PPP3R1: variants seen among roughly 807,000 people sequenced by gnomAD.
The protein encoded by PPP3R1 is calcineurin subunit B type 1.
PPP3R1 carries 5 observed loss-of-function variants against 22.6 expected under a neutral mutation model. That is an observed-to-expected ratio of 0.22 (90% CI 0.12 to 0.46). PPP3R1 has a LOEUF of 0.46. Ranked by LOEUF, PPP3R1 falls within the 20% of genes least tolerant of loss-of-function variation. The pLI is 0.99. For missense variants in PPP3R1, 61 were observed against 203.2 expected (o/e 0.30, Z 4.25); for synonymous variants, 56 against 65.2 (o/e 0.86, Z 0.68).
rs1049667063 is a variant in PPP3R1 at position 68,224,657 on chromosome 2, C to T, written c.4-7526G>A. Among the ~76,000 whole-genome samples the T allele has an allele frequency of 2.0e-4, 29 of 147,932 alleles. 1 individual carries two copies. Among genetic ancestry groups the T allele is most frequent in the Admixed American group, 1.5e-3 (23 of 14,972 alleles). ...CCAGCCTCGGCAGCAGAGCAAGACT[C>T]GTCTCAGGAAAAAAAAAAAAAAAGT... On this transcript the variant is annotated intron_variant, in intron 1 of 5. Transcript: ENST00000234310.
At chr2:68,191,136 TAC>T (rs1375405573) in intron 2 of PPP3R1, among the ~76,000 whole-genome samples, 1 of 152,162 alleles carries the variant, frequency 6.6e-6, no homozygotes, top group Non-Finnish European at 1.5e-5. Context: ...AAAATACACA[TAC>T]AGTCAGTCAT....
At chr2:68,204,071 C>T (rs2103750164) in intron 2 of PPP3R1, among the ~76,000 whole-genome samples, 1 of 152,184 alleles carries the variant, frequency 6.6e-6, no homozygotes, top group South Asian at 2.1e-4. Context: ...TCTGATTTTC[C>T]ACTCTTACTT....
chr2:68,191,870 T>C (rs1436983305), intron 2 of PPP3R1, among the ~76,000 whole-genome samples: 1 of 152,174 alleles, frequency 6.6e-6, no homozygotes, highest in African/African-American at 2.4e-5. Context: ...ATTTTCTATC[T>C]ATAAAATGAC....
chr2:68,203,981 G>C (rs1259872021), intron 2 of PPP3R1, among the ~76,000 whole-genome samples: 1 of 152,108 alleles, frequency 6.6e-6, no homozygotes, highest in African/African-American at 2.4e-5. Context: ...CCTACATTTA[G>C]TCTACAAAAC....
chr2:68,245,381 T>C (rs1670216052), intron 1 of PPP3R1, among the ~76,000 whole-genome samples: 1 of 152,132 alleles, frequency 6.6e-6, no homozygotes, highest in South Asian at 2.1e-4. Context: ...AAAAAAATTA[T>C]TCAGTTTATT....
At chr2:68,235,913 T>G (rs1670010713) in intron 1 of PPP3R1, among the ~76,000 whole-genome samples, 3 of 152,170 alleles carry the variant, frequency 2.0e-5, no homozygotes, top group Admixed American at 6.5e-5. Flanking sequence ...ATCTCGACAT[T>G]TTGATTTGCA....
At chr2:68,227,568 G>A (rs949215048) in intron 1 of PPP3R1, among the ~76,000 whole-genome samples, 2 of 148,888 alleles carry the variant, frequency 1.3e-5, no homozygotes, top group African/African-American at 5.1e-5. Flanking sequence ...CTTCTTTAAT[G>A]ATTTTAGGAG....
At chr2:68,250,288 G>A (rs562936193) in intron 1 of PPP3R1, among the ~76,000 whole-genome samples, 6 of 152,246 alleles carry the variant, frequency 3.9e-5, no homozygotes, top group Middle Eastern at 6.8e-3. Context: ...AGAAAACAGA[G>A]TTAACAGGAA....
chr2:68,217,319 C>A (rs902008949), intron 1 of PPP3R1, among the ~76,000 whole-genome samples, 188 bp from the exon 2 acceptor site: 7 of 152,014 alleles, frequency 4.6e-5, no homozygotes, highest in Non-Finnish European at 2.9e-5. Context: ...AGAAAGAGTT[C>A]TTGAATCAAA....
At chr2:68,226,879 TC>T (rs1440559809) in intron 1 of PPP3R1, among the ~76,000 whole-genome samples, 2 of 152,130 alleles carry the variant, frequency 1.3e-5, no homozygotes, top group African/African-American at 4.8e-5. Flanking sequence ...CTTTAGATTT[TC>T]TCTTTCCTTT....
intron 2 of PPP3R1, among the ~76,000 whole-genome samples, chr2:68,207,221 TAAAA>T (rs11317544): frequency 1.5e-5 from 2 of 132,670 alleles, no homozygotes; most frequent in African/African-American, 2.7e-5. Flanking sequence ...GAAAATATGA[TAAAA>T]AAAAAAAAAA....
At chr2:68,217,221 G>C in intron 1 of PPP3R1, 90 bp from the exon 2 acceptor site, 5 of 882,168 alleles carry the variant, frequency 5.7e-6, no homozygotes, top group Non-Finnish European at 8.9e-6. Flanking sequence ...AAAAAACATA[G>C]GGAAATAAGC....
chr2:68,207,094 G>C (rs1322668882), intron 2 of PPP3R1, among the ~76,000 whole-genome samples: 2 of 121,556 alleles, frequency 1.6e-5, no homozygotes, highest in African/African-American at 5.4e-5. Flanking sequence ...ATAGTAAAGA[G>C]GTTTTGGGAA....
intron 2 of PPP3R1, among the ~76,000 whole-genome samples, chr2:68,201,934 A>G (rs969339737): frequency 1.3e-5 from 2 of 152,356 alleles, no homozygotes; most frequent in Non-Finnish European, 1.5e-5. Flanking sequence ...TAAAATTACA[A>G]AAGTTGAAAC....
intron 2 of PPP3R1, among the ~76,000 whole-genome samples, chr2:68,196,477 A>G (rs1464922284): frequency 6.6e-6 from 1 of 152,198 alleles, no homozygotes; most frequent in Non-Finnish European, 1.5e-5. Context: ...GTATTATGAC[A>G]GACTTGAAAT....
chr2:68,221,410 A>C (rs1669686705), intron 1 of PPP3R1, among the ~76,000 whole-genome samples: 1 of 151,850 alleles, frequency 6.6e-6, no homozygotes, highest in Admixed American at 6.6e-5. Flanking sequence ...ATATGGGATA[A>C]CTGCTTGAGC....
At chr2:68,217,210 C>G in intron 1 of PPP3R1, 79 bp from the exon 2 acceptor site, 1 of 988,598 alleles carries the variant, frequency 1.0e-6, no homozygotes, top group Non-Finnish European at 1.5e-6. Context: ...TATTTTAAGT[C>G]AAAAAACATA....
At chr2:68,184,420 TTCA>T (rs967159915) in intron 5 of PPP3R1, among the ~76,000 whole-genome samples, 30 of 152,344 alleles carry the variant, frequency 2.0e-4, no homozygotes, top group Admixed American at 1.3e-4. Flanking sequence ...TTCTCTGCTC[TTCA>T]TTTTTGTCCT....
chr2:68,187,074 A>G (rs1410491301), intron 4 of PPP3R1, among the ~76,000 whole-genome samples, 181 bp downstream of exon 4: 1 of 152,248 alleles, frequency 6.6e-6, no homozygotes, highest in Admixed American at 6.5e-5. Flanking sequence ...GCAATGACAC[A>G]TTATTCAAAT....
Sources: allele counts gnomAD v4.1 joint callset (sites outside exome capture counted in the v4.1 genomes callset), GRCh38; gene constraint gnomAD v4.1.1; transcripts MANE v1.5; gene names NCBI Gene and HGNC (gene_info 2026-07-23, HGNC 2026-07-21).